The following GTF2H1 variants were observed in gnomAD, a reference collection of about 807,000 sequenced individuals.
GTF2H1 encodes BTF2 p62.
Under a neutral mutation model 71.2 loss-of-function variants are expected in GTF2H1, and 16 were observed. That is an observed-to-expected ratio of 0.22 (90% confidence interval 0.15 to 0.34). The LOEUF (loss-of-function observed/expected upper bound fraction) is 0.34, where lower values mean the gene tolerates loss of function less well. Among genes scored for constraint, GTF2H1 ranks in the 10% least tolerant of loss-of-function variants. The pLI is 1.00. For synonymous variants in GTF2H1, 215 were observed against 219.0 expected (o/e 0.98, Z 0.16); for missense variants, 498 against 648.2 (o/e 0.77, Z 2.52).
intron 2 of GTF2H1, among the ~76,000 whole-genome samples, chr11:18,334,836 C>T (rs992856879): frequency 5.9e-5 from 9 of 152,000 alleles, no homozygotes; most frequent in Non-Finnish European, 1.5e-5. Flanking sequence ...TTTGTGTGTG[C>T]ACTTTTATTG....
Position 18,365,917 on chromosome 11 carries a change from C to A in GTF2H1, c.*48C>A, listed in dbSNP as rs758773751. On this transcript the variant is annotated 3_prime_UTR_variant, in exon 15 of 15. Coordinates refer to ENST00000265963, the MANE Select transcript of GTF2H1 (RefSeq NM_005316.4). ...TTTGTGAGATTGAGAGAACTATGAC[C>A]TGCAGCAACTCTGGAAACCTGGCCT... The A allele has an allele frequency of 7.7e-7, 1 of 1,303,328 alleles. No homozygotes were observed. Among genetic ancestry groups the A allele is most frequent in the Non-Finnish European group, 1.1e-6 (1 of 902,984 alleles). The allele number at this position is 1,303,328 out of a possible 1,614,324, so 80.7% of individuals were successfully genotyped here. A position where few individuals can be genotyped will look rare whatever the true frequency, so the allele number is the denominator to read the frequency against.
intron 14 of GTF2H1, among the ~76,000 whole-genome samples, chr11:18,361,030 C>T (rs531518526): frequency 6.6e-6 from 1 of 151,790 alleles, no homozygotes; most frequent in Non-Finnish European, 1.5e-5. Flanking sequence ...GTCTCAAACT[C>T]GACCTCAGGT....
intron 9 of GTF2H1, among the ~76,000 whole-genome samples, chr11:18,350,913 A>G (rs1188956675): frequency 6.6e-6 from 1 of 152,242 alleles, no homozygotes; most frequent in Non-Finnish European, 1.5e-5. Context: ...AATAAAATTA[A>G]TGAATAAAAT....
At chr11:18,365,050 C>A (rs1284773468) in intron 14 of GTF2H1, among the ~76,000 whole-genome samples, 2 of 133,920 alleles carry the variant, frequency 1.5e-5, no homozygotes, top group Middle Eastern at 4.1e-3. Flanking sequence ...GGCAGCATAG[C>A]AAGAGTCCAT....
intron 13 of GTF2H1, among the ~76,000 whole-genome samples, chr11:18,359,630 A>C (rs1042438345): frequency 2.0e-5 from 3 of 152,250 alleles, no homozygotes; most frequent in African/African-American, 7.2e-5. Context: ...AAGATAGAGG[A>C]AATGGCCTAA....
At chr11:18,333,300 T>G in intron 2 of GTF2H1, 72 bp downstream of exon 2, 1 of 1,091,630 alleles carries the variant, frequency 9.2e-7, no homozygotes, top group Non-Finnish European at 1.3e-6. Context: ...AGAGATTATA[T>G]AAATCTTTAT....
chr11:18,353,836 G>T (rs1002862624), intron 11 of GTF2H1, among the ~76,000 whole-genome samples: 2 of 151,990 alleles, frequency 1.3e-5, no homozygotes, highest in Admixed American at 6.6e-5. Flanking sequence ...TAAATATTTC[G>T]ATGTATATTT....
chr11:18,333,960 G>A (rs1457467940), intron 2 of GTF2H1, among the ~76,000 whole-genome samples: 1 of 152,184 alleles, frequency 6.6e-6, no homozygotes, highest in South Asian at 2.1e-4. Flanking sequence ...TTCAGGCATG[G>A]GCTAGGTGCA....
In GTF2H1 at chr11:18,322,570, C is replaced by T. The variant is rs938786186; in HGVS notation, c.-186C>T. The T allele has an allele frequency of 2.0e-5, 3 of 152,256 alleles. No homozygotes were observed. Among genetic ancestry groups the T allele is most frequent in the African/African-American group, 7.2e-5 (3 of 41,452 alleles). 9.4% of individuals were successfully genotyped at this position (152,256 alleles called of 1,614,324 possible). The stretch of plus-strand genomic sequence containing the variant: ...CTACTTCCGGTCACGTGCCCTCAGA[C>T]TCCTCGCAGCCAGCGATGGAGGCGA... On this transcript the variant is annotated 5_prime_UTR_variant, in exon 1 of 15. Coordinates refer to ENST00000265963, the MANE Select transcript of GTF2H1 (RefSeq NM_005316.4).
intron 2 of GTF2H1, among the ~76,000 whole-genome samples, chr11:18,334,420 A>G (rs1554953447): frequency 6.6e-6 from 1 of 152,220 alleles, no homozygotes; most frequent in Non-Finnish European, 1.5e-5. Flanking sequence ...AATTTCTGTT[A>G]CTAGCTAATA....
At chr11:18,332,873 T>G (rs1366941983) in intron 1 of GTF2H1, 187 bp from the exon 2 acceptor site, 4 of 453,010 alleles carry the variant, frequency 8.8e-6, no homozygotes, top group African/African-American at 2.0e-5. Context: ...AAAATGAAAT[T>G]TAATTGTAGA....
intron 2 of GTF2H1, 46 bp from the exon 3 acceptor site, chr11:18,335,708 C>T (rs751892872): frequency 7.3e-7 from 1 of 1,373,002 alleles, no homozygotes. Context: ...TGGTTATTCC[C>T]ACAGTGTGAG....
chr11:18,322,929 A>G (rs578189480), intron 1 of GTF2H1, among the ~76,000 whole-genome samples, 189 bp downstream of exon 1: 14 of 152,192 alleles, frequency 9.2e-5, no homozygotes, highest in Middle Eastern at 3.4e-3. Context: ...CCCCTAATCT[A>G]CTTGTCTAAA....
intron 1 of GTF2H1, chr11:18,332,840 A>G (rs1420523130): frequency 2.6e-6 from 1 of 379,530 alleles, no homozygotes; most frequent in Non-Finnish European, 4.7e-6. Context: ...AGTATTGTAT[A>G]AATTTACACC....
intron 1 of GTF2H1, among the ~76,000 whole-genome samples, chr11:18,331,047 G>GTTTGTTTTGT (rs1349506704): frequency 6.6e-6 from 1 of 151,944 alleles, no homozygotes. Flanking sequence ...TAATCCAGTG[G>GTTTGTTTTGT]TTTGTTTTGT....
At chr11:18,337,048 GC>G (rs1220013536) in intron 3 of GTF2H1, among the ~76,000 whole-genome samples, 1 of 152,144 alleles carries the variant, frequency 6.6e-6, no homozygotes, top group Non-Finnish European at 1.5e-5. Context: ...GCCACACCTG[GC>G]CACAATTTCC....
At chr11:18,342,357 G>A (rs1361142637) in intron 7 of GTF2H1, among the ~76,000 whole-genome samples, 1 of 134,864 alleles carries the variant, frequency 7.4e-6, no homozygotes, top group Non-Finnish European at 1.5e-5. Context: ...TGCCTCCCAA[G>A]TTAAAGCCAT....
At chr11:18,358,463 T>G (rs1865615330) in intron 12 of GTF2H1, 62 bp from the exon 13 acceptor site, 1 of 913,530 alleles carries the variant, frequency 1.1e-6, no homozygotes, top group Non-Finnish European at 1.8e-6. Context: ...AGTGGTCATT[T>G]TTTTCGAGAC....
intron 1 of GTF2H1, among the ~76,000 whole-genome samples, chr11:18,328,644 GCGAAA>G (rs1864825692): frequency 6.6e-6 from 1 of 151,824 alleles, no homozygotes; most frequent in South Asian, 2.1e-4. Context: ...GGCTAACACG[GCGAAA>G]CTCCATCTCT....
Sources: allele counts gnomAD v4.1 joint callset (sites outside exome capture counted in the v4.1 genomes callset), GRCh38; gene constraint gnomAD v4.1.1; transcripts MANE v1.5; gene names NCBI Gene and HGNC (gene_info 2026-07-23, HGNC 2026-07-21).